WWOX: variants seen among roughly 807,000 people sequenced by gnomAD.
The protein encoded by WWOX is WW domain-containing oxidoreductase.
A neutral mutation model predicts 46.2 loss-of-function variants in WWOX; 69 were observed. That is an observed-to-expected ratio of 1.49 (90% CI 1.23 to 1.82). The LOEUF is 1.82. Among genes scored for constraint, WWOX ranks in the 40% most tolerant of loss-of-function variants. The pLI is 0.00. For synonymous variants in WWOX, 359 were observed against 202.6 expected (o/e 1.77, Z -6.56); for missense variants, 919 against 542.6 (o/e 1.69, Z -6.89).
intron 8 of WWOX, among the ~76,000 whole-genome samples, chr16:79,154,824 C>G (rs1005495225): frequency 6.6e-5 from 10 of 152,296 alleles, no homozygotes; most frequent in African/African-American, 1.9e-4. Context: ...CATGAAATTC[C>G]TATTACACCT....
At chr16:78,615,368 G>A (rs541755053) in intron 8 of WWOX, among the ~76,000 whole-genome samples, 2 of 152,242 alleles carry the variant, frequency 1.3e-5, no homozygotes, top group East Asian at 3.9e-4. Context: ...AGTTGTTGGG[G>A]CTGGGTGCAG....
At chr16:78,732,861 T>C (rs2048999511) in intron 8 of WWOX, among the ~76,000 whole-genome samples, 1 of 152,200 alleles carries the variant, frequency 6.6e-6, no homozygotes, top group Admixed American at 6.5e-5. Context: ...TTATCTCCCT[T>C]AGGTTTGACT....
intron 8 of WWOX, among the ~76,000 whole-genome samples, chr16:78,974,164 T>G (rs1301854074): frequency 6.6e-6 from 1 of 152,198 alleles, no homozygotes; most frequent in African/African-American, 2.4e-5. Context: ...ATCAGGAAAA[T>G]TCAATCTCGT....
chr16:78,724,548 A>G (rs900653913), intron 8 of WWOX, among the ~76,000 whole-genome samples: 1 of 152,196 alleles, frequency 6.6e-6, no homozygotes, highest in Non-Finnish European at 1.5e-5. Context: ...CATTATTTAC[A>G]GTCCTTATGT....
chr16:78,500,183 G>A (rs746765098), intron 8 of WWOX, among the ~76,000 whole-genome samples: 4 of 152,078 alleles, frequency 2.6e-5, no homozygotes, highest in African/African-American at 7.2e-5. Flanking sequence ...CCAGTCCTAC[G>A]GTCAATGCAG....
chr16:78,979,018 C>G (rs956727586), intron 8 of WWOX, among the ~76,000 whole-genome samples: 3 of 152,078 alleles, frequency 2.0e-5, no homozygotes, highest in East Asian at 1.9e-4. Flanking sequence ...CCAGCATCGA[C>G]CTTCATCAGC....
intron 5 of WWOX, among the ~76,000 whole-genome samples, chr16:78,309,158 C>G (rs914684689): frequency 2.0e-5 from 3 of 152,156 alleles, no homozygotes; most frequent in Non-Finnish European, 4.4e-5. Context: ...ATTGTAATCC[C>G]CACAATCCCG....
chr16:78,125,717 A>G (rs72802975), intron 4 of WWOX, among the ~76,000 whole-genome samples: 21,167 of 152,100 alleles, frequency 0.14, 1,628 homozygotes, highest in South Asian at 0.2. Context: ...ATTTTTTTTA[A>G]AAGCTGAAGC....
intron 8 of WWOX, among the ~76,000 whole-genome samples, chr16:79,200,597 G>T (rs560367242): frequency 3.3e-5 from 5 of 152,246 alleles, no homozygotes; most frequent in African/African-American, 1.2e-4. Context: ...GCACCTAAGA[G>T]ACTCTCAGTA....
chr16:79,193,798 G>A (rs1266957285), intron 8 of WWOX, among the ~76,000 whole-genome samples: 5 of 152,132 alleles, frequency 3.3e-5, no homozygotes, highest in Admixed American at 2.6e-4. Flanking sequence ...GGTGGCAGCT[G>A]GGGAGAAGCT....
intron 8 of WWOX, among the ~76,000 whole-genome samples, chr16:78,688,162 A>G (rs1033984534): frequency 1.3e-5 from 2 of 149,586 alleles, no homozygotes; most frequent in African/African-American, 4.9e-5. Flanking sequence ...TATAAGCTAG[A>G]AAAAAAAAAT....
chr16:79,090,582 A>T (rs948294865), intron 8 of WWOX, among the ~76,000 whole-genome samples: 1 of 152,170 alleles, frequency 6.6e-6, no homozygotes, highest in Non-Finnish European at 1.5e-5. Flanking sequence ...GGCTGAGGAC[A>T]GGAAGACGAT....
intron 8 of WWOX, among the ~76,000 whole-genome samples, chr16:78,663,396 A>G (rs1422925439): frequency 1.3e-5 from 2 of 152,172 alleles, no homozygotes; most frequent in South Asian, 2.1e-4. Context: ...TATTCTATCA[A>G]TATATTATAC....
chr16:78,297,460 A>G (rs1378852365), intron 5 of WWOX, among the ~76,000 whole-genome samples: 2 of 152,198 alleles, frequency 1.3e-5, no homozygotes, highest in African/African-American at 2.4e-5. Context: ...CATATTAAGT[A>G]GTGATTTCCA....
chr16:78,572,148 T>A (rs2044731051), intron 8 of WWOX, among the ~76,000 whole-genome samples: 1 of 152,184 alleles, frequency 6.6e-6, no homozygotes, highest in African/African-American at 2.4e-5. Context: ...TAATTTGTGA[T>A]AGCAAGAACC....
At chr16:79,017,598 A>G (rs1303617959) in intron 8 of WWOX, among the ~76,000 whole-genome samples, 4 of 152,102 alleles carry the variant, frequency 2.6e-5, no homozygotes, top group African/African-American at 9.7e-5. Context: ...TACTGCAAAA[A>G]CAGCCATGGA....
At chr16:78,658,138 A>G (rs560817111) in intron 8 of WWOX, among the ~76,000 whole-genome samples, 3 of 152,192 alleles carry the variant, frequency 2.0e-5, no homozygotes, top group East Asian at 3.9e-4. Flanking sequence ...TATTTCCTCA[A>G]GTCTCAAAAT....
At chr16:78,769,907 T>C (rs979732631) in intron 8 of WWOX, among the ~76,000 whole-genome samples, 1 of 151,696 alleles carries the variant, frequency 6.6e-6, no homozygotes, top group African/African-American at 2.4e-5. Context: ...TGGGCGTGTG[T>C]GGTGGAGCAT....
Position 79,162,699 on chromosome 16 carries a change from G to A in WWOX, c.1057-48909G>A, listed in dbSNP as rs746376102. On this transcript the variant is annotated intron_variant, in intron 8 of 8. Coordinates refer to ENST00000566780, the MANE Select transcript of WWOX (RefSeq NM_016373.4). ...ATCATGCCAAGGTCCTGTGTTCACC[G>A]CCTTCCTGAGTCCCCATTCAGAGGC... is the stretch of plus-strand genomic sequence containing the variant. Among the ~76,000 whole-genome samples, 23 of 152,226 alleles carry A rather than the reference G, an allele frequency of 1.5e-4. No homozygotes were observed. The Middle Eastern group carries it at 0.014, about 90-fold the overall frequency.
Sources: gnomAD v4.1 joint callset for allele counts (sites outside exome capture counted in the v4.1 genomes callset) on GRCh38, gnomAD v4.1.1 for gene constraint, MANE v1.5 for transcripts, NCBI Gene and HGNC (gene_info 2026-07-23, HGNC 2026-07-21) for gene names.